Variants in SV2C observed in about 807,000 individuals in gnomAD.
The protein encoded by SV2C is synaptic vesicle glycoprotein 2C, also known as solute carrier family 22 member B3.
A neutral mutation model predicts 79.7 loss-of-function variants in SV2C; 49 were observed. The observed-to-expected ratio is 0.61, with a 90% CI of 0.49 to 0.78. The LOEUF is 0.78. Among genes scored for constraint, SV2C ranks in the 30% least tolerant of loss-of-function variants. The probability of loss-of-function intolerance (pLI) is 0.00; values close to 1 mark genes in which losing one functional copy is unlikely to be tolerated. For synonymous variants in SV2C, 334 were observed against 333.2 expected, an observed-to-expected ratio of 1.00 and a Z score of -0.03; for missense variants, 833 against 912.9, an observed-to-expected ratio of 0.91 and a Z score of 1.13.
the SV2C span, among the ~76,000 whole-genome samples, chr5:75,956,892 T>G: frequency 6.6e-6 from 1 of 151,942 alleles, no homozygotes; most frequent in Non-Finnish European, 1.5e-5. Context: ...TCTCTCAAGT[T>G]AATACATATC....
chr5:76,045,569 A>G, the SV2C span, among the ~76,000 whole-genome samples: 1 of 152,156 alleles, frequency 6.6e-6, no homozygotes, highest in Non-Finnish European at 1.5e-5. Flanking sequence ...TTGTATGCCA[A>G]TATGCATTGA....
intron 2 of SV2C, among the ~76,000 whole-genome samples, chr5:76,138,425 T>C (rs1451232791): frequency 6.6e-6 from 1 of 152,254 alleles, no homozygotes; most frequent in Non-Finnish European, 1.5e-5. Context: ...AAATTCACTT[T>C]TTGCTTGTGA....
intron 2 of SV2C, among the ~76,000 whole-genome samples, chr5:76,182,377 TACA>T (rs747732204): frequency 1.3e-5 from 2 of 152,204 alleles, no homozygotes; most frequent in African/African-American, 2.4e-5. Flanking sequence ...CCTGTCAGTT[TACA>T]ACAACTATGG....
chr5:75,911,336 T>A, the SV2C span: 4 of 1,335,590 alleles, frequency 3.0e-6, no homozygotes, highest in East Asian at 9.2e-5. Flanking sequence ...ACAGAAGTAG[T>A]CCTCCAAACC....
chr5:75,929,297 C>T, the SV2C span, among the ~76,000 whole-genome samples: 1 of 151,948 alleles, frequency 6.6e-6, no homozygotes, highest in African/African-American at 2.4e-5. Flanking sequence ...GGATGCTGCA[C>T]AGTTCATACT....
chr5:76,092,328 T>C (rs985043147), intron 1 of SV2C, among the ~76,000 whole-genome samples: 4 of 152,238 alleles, frequency 2.6e-5, no homozygotes, highest in African/African-American at 9.6e-5. Flanking sequence ...TTTTCAAGCA[T>C]GTGTAAGTAT....
chr5:75,973,164 CG>C, the SV2C span, among the ~76,000 whole-genome samples: 73 of 150,688 alleles, frequency 4.8e-4, no homozygotes, highest in Non-Finnish European at 3.1e-4. Flanking sequence ...CATCACACAC[CG>C]GGGACGGTTG....
chr5:76,045,561 G>A, the SV2C span, among the ~76,000 whole-genome samples: 1 of 151,962 alleles, frequency 6.6e-6, no homozygotes, highest in Non-Finnish European at 1.5e-5. Context: ...TTTTATTTTT[G>A]TATGCCAATA....
intron 12 of SV2C, among the ~76,000 whole-genome samples, chr5:76,347,989 A>G (rs1229175424): frequency 1.3e-5 from 2 of 152,170 alleles, no homozygotes; most frequent in Non-Finnish European, 2.9e-5. Context: ...ATGGGTTTGG[A>G]CAAAAGTATA....
chr5:75,941,605 A>C, the SV2C span, among the ~76,000 whole-genome samples: 6 of 152,232 alleles, frequency 3.9e-5, no homozygotes, highest in African/African-American at 1.2e-4. Context: ...AATACCTATG[A>C]TATTATGATA....
rs60454371 is a variant in SV2C, at chr5:76,303,649, A to G, written c.2000+2104A>G. ...GGACAAAAATCTGGCTTAAAAAAAA[A>G]AGACCCTCATAAATTGAAATTGGTC... On this transcript the variant is annotated intron_variant, in intron 12 of 12. Coordinates refer to ENST00000502798, the MANE Select transcript of SV2C (RefSeq NM_014979.4). Among the ~76,000 whole-genome samples, 861 of 152,266 alleles carry G rather than the reference A, an allele frequency of 5.7e-3. 9 individuals are homozygous for G. The highest frequency in any genetic ancestry group is 0.02 in the African/African-American group (812 of 41,526).
chr5:75,876,857 A>G, the SV2C span, among the ~76,000 whole-genome samples: 24 of 152,058 alleles, frequency 1.6e-4, no homozygotes, highest in African/African-American at 5.5e-4. Context: ...TTACCTAAGG[A>G]AAAAGAAAGA....
chr5:76,240,218 G>A (rs1745741508), intron 4 of SV2C, among the ~76,000 whole-genome samples: 1 of 152,190 alleles, frequency 6.6e-6, no homozygotes, highest in Non-Finnish European at 1.5e-5. Flanking sequence ...CCAGCCAAGG[G>A]AGACTGCATT....
At chr5:76,044,288 G>A in the SV2C span, among the ~76,000 whole-genome samples, 64 of 152,198 alleles carry the variant, frequency 4.2e-4, no homozygotes, top group East Asian at 9.3e-3. Flanking sequence ...TATGTACCAC[G>A]TTTTCTTTAG....
At chr5:75,867,017 T>A in the SV2C span, among the ~76,000 whole-genome samples, 1 of 152,174 alleles carries the variant, frequency 6.6e-6, no homozygotes, top group South Asian at 2.1e-4. Flanking sequence ...TCTTGCTGAT[T>A]TCTCTGTGTC....
chr5:75,894,172 T>C, the SV2C span, among the ~76,000 whole-genome samples: 6 of 152,038 alleles, frequency 3.9e-5, no homozygotes, highest in African/African-American at 1.4e-4. Flanking sequence ...TAGATGGCTG[T>C]GGCAGTACTC....
intron 1 of SV2C, among the ~76,000 whole-genome samples, chr5:76,123,696 A>T (rs1030027106): frequency 6.6e-6 from 1 of 152,172 alleles, no homozygotes; most frequent in African/African-American, 2.4e-5. Flanking sequence ...TAACATTTCT[A>T]TTGTTAGGAA....
chr5:75,939,690 A>C, the SV2C span, among the ~76,000 whole-genome samples: 1 of 152,166 alleles, frequency 6.6e-6, no homozygotes, highest in Admixed American at 6.5e-5. Context: ...TAGTCAGGTC[A>C]GGTGAAATTA....
intron 4 of SV2C, among the ~76,000 whole-genome samples, chr5:76,221,566 A>G (rs1240863450): frequency 6.6e-6 from 1 of 152,156 alleles, no homozygotes; most frequent in Non-Finnish European, 1.5e-5. Context: ...CTGAGTACAC[A>G]CTAATGTGTG....
Sources: allele counts gnomAD v4.1 joint callset (sites outside exome capture counted in the v4.1 genomes callset), GRCh38; gene constraint gnomAD v4.1.1; transcripts MANE v1.5; gene names NCBI Gene and HGNC (gene_info 2026-07-23, HGNC 2026-07-21).